NAALADL2: variants seen among roughly 807,000 people sequenced by gnomAD.
NAALADL2 encodes N-acetylated alpha-linked acidic dipeptidase like 2, also known as inactive N-acetylated-alpha-linked acidic dipeptidase-like protein 2.
NAALADL2 carries 76 observed loss-of-function variants against 87.2 expected under a neutral mutation model. The ratio of observed to expected loss-of-function variants is 0.87; its 90% CI spans 0.72 to 1.05. NAALADL2 has a LOEUF of 1.05. Ranked by LOEUF, NAALADL2 falls within the 50% of genes least tolerant of loss-of-function variation. The pLI is 0.00. For missense variants in NAALADL2, 1,089 were observed against 945.8 expected, an observed-to-expected ratio of 1.15 and a Z score of -1.99; for synonymous variants, 354 against 331.0, an observed-to-expected ratio of 1.07 and a Z score of -0.75.
chr3:174,468,920 G>T (rs2108305991), intron 1 of NAALADL2, among the ~76,000 whole-genome samples: 1 of 151,292 alleles, frequency 6.6e-6, no homozygotes, highest in South Asian at 2.1e-4. Flanking sequence ...CCACCACCAT[G>T]CCTGGCTAAA....
chr3:174,981,126 G>A (rs546566556), intron 1 of NAALADL2, among the ~76,000 whole-genome samples: 1 of 151,652 alleles, frequency 6.6e-6, no homozygotes, highest in African/African-American at 2.4e-5. Flanking sequence ...AAGTTAAGTC[G>A]GTTTTCCCCC....
chr3:175,319,248 A>T (rs1759537764), intron 4 of NAALADL2, among the ~76,000 whole-genome samples: 1 of 152,200 alleles, frequency 6.6e-6, no homozygotes. Flanking sequence ...TCTGATATGC[A>T]TGGTTGTTAT....
At chr3:175,758,094 C>G (rs1173348352) in intron 13 of NAALADL2, among the ~76,000 whole-genome samples, 1 of 151,976 alleles carries the variant, frequency 6.6e-6, no homozygotes, top group Non-Finnish European at 1.5e-5. Context: ...TTTATGAACT[C>G]AATTTACTTT....
At chr3:175,312,445 C>A (rs566917291) in intron 4 of NAALADL2, among the ~76,000 whole-genome samples, 1 of 142,694 alleles carries the variant, frequency 7.0e-6, no homozygotes, top group Admixed American at 7.1e-5. Context: ...AAATCCAGTT[C>A]TTTTTTTTTT....
chr3:175,002,423 T>A (rs548330158), intron 1 of NAALADL2, among the ~76,000 whole-genome samples: 1 of 152,048 alleles, frequency 6.6e-6, no homozygotes, highest in Non-Finnish European at 1.5e-5. Flanking sequence ...GAGAAGTTAA[T>A]GAAAAATAGA....
intron 2 of NAALADL2, among the ~76,000 whole-genome samples, chr3:174,673,146 C>G (rs755460365): frequency 1.3e-5 from 2 of 152,012 alleles, no homozygotes; most frequent in Non-Finnish European, 2.9e-5. Flanking sequence ...ATACTTTCAG[C>G]TGGAATAATT....
chr3:175,146,991 T>C (rs559077809), intron 2 of NAALADL2, among the ~76,000 whole-genome samples: 83 of 152,362 alleles, frequency 5.4e-4, no homozygotes, highest in Middle Eastern at 3.4e-3. Context: ...TGTGCAAATC[T>C]TTCTGGGTAA....
intron 3 of NAALADL2, among the ~76,000 whole-genome samples, chr3:175,243,904 A>T (rs540384442): frequency 2.0e-4 from 31 of 152,266 alleles, no homozygotes; most frequent in Non-Finnish European, 2.2e-4. Flanking sequence ...CTCTCAAGTT[A>T]TTTTGAAATA....
At chr3:175,483,180 A>G (rs1039719952) in intron 9 of NAALADL2, among the ~76,000 whole-genome samples, 1 of 151,910 alleles carries the variant, frequency 6.6e-6, no homozygotes, top group Non-Finnish European at 1.5e-5. Context: ...TAATAATTGC[A>G]TCTTATTCTA....
chr3:174,889,461 T>C (rs1182813493), intron 1 of NAALADL2, among the ~76,000 whole-genome samples: 1 of 152,194 alleles, frequency 6.6e-6, no homozygotes, highest in Non-Finnish European at 1.5e-5. Flanking sequence ...CCCTGCTTCC[T>C]CTCCTGCTGG....
intron 1 of NAALADL2, among the ~76,000 whole-genome samples, chr3:174,998,042 C>T (rs1035299393): frequency 6.6e-6 from 1 of 152,112 alleles, no homozygotes; most frequent in Admixed American, 6.6e-5. Context: ...TATCCTGACA[C>T]TTCTTTTATT....
At chr3:174,477,060 G>A (rs1717260363) in intron 1 of NAALADL2, among the ~76,000 whole-genome samples, 1 of 151,782 alleles carries the variant, frequency 6.6e-6, no homozygotes, top group Non-Finnish European at 1.5e-5. Context: ...TCGCACCATT[G>A]CACTCCAGCC....
chr3:175,627,295 C>A lies in NAALADL2; in HGVS notation c.1805C>A (p.Pro602Gln). ...AYEDIKTLEG[P>Q]SFLSEARFST... is the part of the protein sequence containing the mutation. ...TTCTTTTTTGATTTGCCGCAGGGTC[C>A]AAGTTTTCTCTCCGAGGCCCGTTTT... The change falls in exon 11 of 14, where the codon CCA becomes CAA. Residue 602 changes from proline to glutamine, a missense_variant. Physicochemically the swap from Pro to Gln is moderately conservative, Grantham distance 76. Coordinates refer to ENST00000454872, the MANE Select transcript of NAALADL2 (RefSeq NM_207015.3). 1 of 1,561,206 alleles carries A rather than the reference C, an allele frequency of 6.4e-7. No individual in the cohort carries two copies. The highest frequency in any genetic ancestry group is 8.7e-7 in the Non-Finnish European group (1 of 1,150,604).
chr3:175,248,752 A>G (rs866070031), intron 3 of NAALADL2, among the ~76,000 whole-genome samples: 9 of 152,318 alleles, frequency 5.9e-5, no homozygotes, highest in African/African-American at 1.7e-4. Context: ...CATATGCCAC[A>G]TCTGTACATA....
chr3:175,667,683 C>A (rs1733384054), intron 11 of NAALADL2, among the ~76,000 whole-genome samples: 4 of 151,202 alleles, frequency 2.6e-5, no homozygotes, highest in Admixed American at 2.6e-4. Flanking sequence ...TTCACTTGTC[C>A]TTGAAATTCT....
chr3:175,730,021 C>A (rs1236354936), intron 11 of NAALADL2, among the ~76,000 whole-genome samples: 1 of 151,954 alleles, frequency 6.6e-6, no homozygotes, highest in African/African-American at 2.4e-5. Flanking sequence ...AATGCTCAAC[C>A]ATGCTTGTGG....
intron 1 of NAALADL2, among the ~76,000 whole-genome samples, chr3:175,061,728 A>AATATAT (rs149495848): frequency 0.024 from 3,373 of 141,496 alleles, 54 homozygotes; most frequent in South Asian, 0.044. Context: ...CACTTGCACA[A>AATATAT]ATATATATAT....
chr3:174,716,555 T>G (rs1235451914), intron 2 of NAALADL2, among the ~76,000 whole-genome samples: 2 of 152,080 alleles, frequency 1.3e-5, no homozygotes, highest in Non-Finnish European at 2.9e-5. Context: ...TGCCTGTATT[T>G]TTTATTGCAT....
In NAALADL2 at chr3:174,643,008, C is replaced by T. The variant is rs1220876088; in HGVS notation, c.-115+92371C>T. ...TGTTACCCAGCCTGGTCTTGAACTC[C>T]TGGGTTCAAGCAATCCTCCTACCTC... On this transcript the variant is annotated intron_variant, in intron 2 of 3. Coordinates refer to the NAALADL2 transcript ENST00000434257. 2.0e-5 allele frequency among the ~76,000 whole-genome samples: 3 copies of T among 151,952 alleles called. No homozygotes were observed. The South Asian group carries it at 6.2e-4, about 32-fold the overall frequency.
Sources: gnomAD v4.1 joint callset for allele counts (sites outside exome capture counted in the v4.1 genomes callset) on GRCh38, gnomAD v4.1.1 for gene constraint, MANE v1.5 for transcripts, NCBI Gene and HGNC (gene_info 2026-07-23, HGNC 2026-07-21) for gene names.